Variants in COL21A1 observed in about 807,000 individuals in gnomAD.
COL21A1 encodes the protein collagen type XXI alpha 1 chain.
Under a neutral mutation model 137.9 loss-of-function variants are expected in COL21A1, and 149 were observed. The ratio of observed to expected loss-of-function variants is 1.08; its 90% CI spans 0.95 to 1.24. The LOEUF is 1.24. COL21A1 is among the 50% of genes most tolerant of loss of function. COL21A1 has a pLI of 0.00. For missense variants in COL21A1, 1,167 were observed against 1,158.4 expected (o/e 1.01, Z -0.11); for synonymous variants, 456 against 391.5 (o/e 1.16, Z -1.95).
At chr6:56,065,938 T>C (rs1766203097) in intron 23 of COL21A1, among the ~76,000 whole-genome samples, 1 of 151,910 alleles carries the variant, frequency 6.6e-6, no homozygotes, top group South Asian at 2.1e-4. Flanking sequence ...CCAGGACCCC[T>C]GACAAGAAAT....
intron 1 of COL21A1, among the ~76,000 whole-genome samples, chr6:56,299,782 C>T (rs1764239696): frequency 1.3e-5 from 2 of 151,968 alleles, no homozygotes; most frequent in Non-Finnish European, 1.5e-5. Context: ...TCTCTATGTT[C>T]CTTCTACAAC....
intron 1 of COL21A1, among the ~76,000 whole-genome samples, chr6:56,360,565 G>C (rs1006368925): frequency 2.6e-5 from 4 of 152,122 alleles, no homozygotes; most frequent in African/African-American, 9.7e-5. Context: ...GCAAAAAGTT[G>C]CCAGCATGAA....
At chr6:56,256,495 A>G (rs1283989110) in intron 1 of COL21A1, among the ~76,000 whole-genome samples, 1 of 152,176 alleles carries the variant, frequency 6.6e-6, no homozygotes, top group Non-Finnish European at 1.5e-5. Flanking sequence ...ATTCGCATCA[A>G]ATTAGATCGT....
intron 17 of COL21A1, chr6:56,078,169 C>T (rs1189007732): frequency 2.2e-5 from 10 of 455,680 alleles, no homozygotes; most frequent in Non-Finnish European, 4.4e-5. Context: ...TTTCACGTGG[C>T]TGAACTCATA....
At chr6:56,067,155 G>T in intron 23 of COL21A1, 140 bp downstream of exon 23, 3 of 692,396 alleles carry the variant, frequency 4.3e-6, no homozygotes, top group East Asian at 5.7e-5. Context: ...TGTCTGAAAA[G>T]CTCAATAGCA....
At position 56,124,828 on chromosome 6, in the gene COL21A1, C is replaced by G. The variant is rs539904352; in HGVS notation, c.1651-536G>C. Reference sequence around the variant, plus strand: ...GGCTAATTTTGTTTTTGTATTTTTACTAGAGACGGGGTTTCACCGTGTTAG... The same window carrying G: ...GGCTAATTTTGTTTTTGTATTTTTAGTAGAGACGGGGTTTCACCGTGTTAG... On this transcript the variant is annotated intron_variant, in intron 14 of 29. Coordinates refer to ENST00000244728, the MANE Select transcript of COL21A1 (RefSeq NM_030820.4). Among the ~76,000 whole-genome samples, 127 of 151,518 alleles carry G rather than the reference C, an allele frequency of 8.4e-4. 2 individuals carry two copies. Among genetic ancestry groups the G allele is most frequent in the South Asian group, 3.8e-3 (18 of 4,792 alleles).
chr6:56,291,243 C>T (rs1334267891), intron 1 of COL21A1, among the ~76,000 whole-genome samples: 1 of 152,156 alleles, frequency 6.6e-6, no homozygotes, highest in Non-Finnish European at 1.5e-5. Flanking sequence ...GCAGCTCCAA[C>T]TCTAGAGTTA....
At chr6:56,183,021 T>C (rs1778016660) in intron 1 of COL21A1, among the ~76,000 whole-genome samples, 1 of 152,184 alleles carries the variant, frequency 6.6e-6, no homozygotes, top group African/African-American at 2.4e-5. Flanking sequence ...TAAACGTGGG[T>C]TTGTATTTAA....
rs191133863 is a variant in COL21A1 at position 56,061,488 on chromosome 6, A to G, written c.2205+161T>C. Among the ~76,000 whole-genome samples, 21 of 152,304 alleles carry G rather than the reference A, an allele frequency of 1.4e-4. No homozygotes were observed. In the East Asian group the frequency reaches 3.9e-3, roughly 28 times the overall value. On this transcript the variant is annotated intron_variant, in intron 25 of 29. Coordinates refer to ENST00000244728, the MANE Select transcript of COL21A1 (RefSeq NM_030820.4). The stretch of plus-strand genomic sequence containing the variant: ...TTCATATCAAATTCAGTATAAATGT[A>G]CATATTCTGAAAACAATTAATTGGG...
intron 1 of COL21A1, among the ~76,000 whole-genome samples, chr6:56,357,116 A>G (rs1223743678): frequency 6.6e-6 from 1 of 152,174 alleles, no homozygotes; most frequent in Non-Finnish European, 1.5e-5. Flanking sequence ...GACTAACTCA[A>G]AGCAACCATT....
chr6:56,294,897 T>C (rs949480977), intron 1 of COL21A1, among the ~76,000 whole-genome samples: 2 of 152,210 alleles, frequency 1.3e-5, no homozygotes, highest in African/African-American at 4.8e-5. Flanking sequence ...GGCTGTTTCT[T>C]CCTTCTCTTA....
chr6:56,347,603 G>C (rs532757915), intron 1 of COL21A1, among the ~76,000 whole-genome samples: 1 of 151,448 alleles, frequency 6.6e-6, no homozygotes, highest in African/African-American at 2.4e-5. Context: ...TAGAAGTAAG[G>C]CCTGAGCATT....
intron 16 of COL21A1, among the ~76,000 whole-genome samples, chr6:56,108,873 T>C (rs1771173078): frequency 1.3e-5 from 2 of 151,828 alleles, no homozygotes; most frequent in South Asian, 4.2e-4. Context: ...AAAGAAGAAA[T>C]TATACAAACA....
At chr6:56,175,980 T>C (rs746839073) in intron 3 of COL21A1, among the ~76,000 whole-genome samples, 2 of 152,072 alleles carry the variant, frequency 1.3e-5, no homozygotes, top group Non-Finnish European at 2.9e-5. Flanking sequence ...CACTCTTGCA[T>C]GCATCAATGA....
chr6:56,274,489 C>G (rs1244432998), intron 1 of COL21A1, among the ~76,000 whole-genome samples: 2 of 152,110 alleles, frequency 1.3e-5, no homozygotes, highest in East Asian at 3.8e-4. Flanking sequence ...GCCAAAAGGC[C>G]TAGAACTGAC....
At chr6:56,165,907 T>TTC (rs770723364) in intron 7 of COL21A1, among the ~76,000 whole-genome samples, 138 of 105,808 alleles carry the variant, frequency 1.3e-3, no homozygotes, top group African/African-American at 4.6e-3. Context: ...GGGGATTGAT[T>TTC]ACACACACAC....
At chr6:56,112,716 C>T (rs962045798) in intron 16 of COL21A1, among the ~76,000 whole-genome samples, 1 of 136,916 alleles carries the variant, frequency 7.3e-6, no homozygotes, top group Non-Finnish European at 1.5e-5. Flanking sequence ...CGGAGTTTCG[C>T]TCTTGTTAGC....
chr6:56,384,006 T>C (rs2094013203), intron 1 of COL21A1, among the ~76,000 whole-genome samples: 1 of 152,124 alleles, frequency 6.6e-6, no homozygotes, highest in East Asian at 1.9e-4. Flanking sequence ...TTCCTTAGAT[T>C]AAACTAGGCA....
intron 1 of COL21A1, among the ~76,000 whole-genome samples, chr6:56,280,510 G>A (rs188645189): frequency 2.0e-5 from 3 of 152,242 alleles, no homozygotes; most frequent in Admixed American, 2.0e-4. Context: ...TCCTACCCTT[G>A]AGGGGCTCAC....
Sources: gnomAD v4.1 joint callset for allele counts (sites outside exome capture counted in the v4.1 genomes callset) on GRCh38, gnomAD v4.1.1 for gene constraint, MANE v1.5 for transcripts, NCBI Gene and HGNC (gene_info 2026-07-23, HGNC 2026-07-21) for gene names.